SPATA13: variants seen among roughly 807,000 people sequenced by gnomAD.
SPATA13 encodes the protein spermatogenesis associated 13, also known as spermatogenesis-associated protein 13.
SPATA13 carries 50 observed loss-of-function variants against 104.0 expected under a neutral mutation model. The observed-to-expected ratio is 0.48, with a 90% CI of 0.38 to 0.61. SPATA13 has a LOEUF of 0.61. Among genes scored for constraint, SPATA13 ranks in the 20% least tolerant of loss-of-function variants. SPATA13 has a pLI of 0.00. For missense variants in SPATA13, 1,524 were observed against 1,690.6 expected, an observed-to-expected ratio of 0.90 and a Z score of 1.73; for synonymous variants, 606 against 667.5, an observed-to-expected ratio of 0.91 and a Z score of 1.42.
At chr13:24,269,087 A>G (rs571151218) in intron 4 of SPATA13, among the ~76,000 whole-genome samples, 1 of 152,340 alleles carries the variant, frequency 6.6e-6, no homozygotes, top group Non-Finnish European at 1.5e-5. Context: ...GAGCGACAGC[A>G]GCAGCGTGAC....
At chr13:24,217,323 C>A (rs1391553381) in intron 1 of SPATA13, among the ~76,000 whole-genome samples, 1 of 152,142 alleles carries the variant, frequency 6.6e-6, no homozygotes, top group Non-Finnish European at 1.5e-5. Context: ...TATTACAATT[C>A]TTCTTCCTAA....
intron 2 of SPATA13, among the ~76,000 whole-genome samples, chr13:24,246,581 C>T (rs770025799): frequency 2.0e-5 from 3 of 152,220 alleles, no homozygotes; most frequent in African/African-American, 4.8e-5. Flanking sequence ...TGACTCAGGC[C>T]GGGTGTGGTG....
intron 2 of SPATA13, among the ~76,000 whole-genome samples, chr13:24,016,453 A>G (rs1412304958): frequency 6.6e-6 from 1 of 152,214 alleles, no homozygotes; most frequent in Non-Finnish European, 1.5e-5. Context: ...TGCTGGAAGA[A>G]TTGGGAGCGT....
At chr13:24,263,105 G>GT (rs1381690352) in intron 4 of SPATA13, among the ~76,000 whole-genome samples, 2 of 152,210 alleles carry the variant, frequency 1.3e-5, no homozygotes, top group African/African-American at 2.4e-5. Context: ...GCCGTAGCAG[G>GT]TGTTGAGGTG....
chr13:24,071,352 T>A (rs1434239951), intron 3 of SPATA13, among the ~76,000 whole-genome samples: 1 of 152,170 alleles, frequency 6.6e-6, no homozygotes, highest in African/African-American at 2.4e-5. Context: ...CAGGAAACTG[T>A]GTTTAAGTGG....
At chr13:24,001,153 T>C (rs1171164775) in intron 2 of SPATA13, among the ~76,000 whole-genome samples, 1 of 152,146 alleles carries the variant, frequency 6.6e-6, no homozygotes, top group Non-Finnish European at 1.5e-5. Context: ...CTCCAGGTAA[T>C]GTCATCCAGG....
intron 1 of SPATA13, among the ~76,000 whole-genome samples, chr13:24,217,521 T>C (rs1322863050): frequency 6.6e-6 from 1 of 152,154 alleles, no homozygotes; most frequent in African/African-American, 2.4e-5. Context: ...CTTCTGCCTA[T>C]AGAGAACTTT....
chr13:23,992,219 C>T (rs1301546411), intron 2 of SPATA13, among the ~76,000 whole-genome samples: 1 of 152,176 alleles, frequency 6.6e-6, no homozygotes, highest in Non-Finnish European at 1.5e-5. Flanking sequence ...CTGCTGCCTC[C>T]ATCAGTGTCC....
intron 2 of SPATA13, among the ~76,000 whole-genome samples, chr13:24,000,335 G>C (rs931336876): frequency 6.6e-6 from 1 of 152,118 alleles, no homozygotes; most frequent in Non-Finnish European, 1.5e-5. Context: ...GGTTTCAAAG[G>C]GAGCAGCAGG....
chr13:24,192,131 C>T (rs9507266), intron 1 of SPATA13, among the ~76,000 whole-genome samples: 1 of 151,842 alleles, frequency 6.6e-6, no homozygotes, highest in Admixed American at 6.6e-5. Flanking sequence ...TCCATTGTGG[C>T]CATGCTCAGA....
chr13:24,239,293 T>C (rs1011837912), intron 2 of SPATA13, among the ~76,000 whole-genome samples: 8 of 152,188 alleles, frequency 5.3e-5, no homozygotes, highest in Non-Finnish European at 1.5e-5. Context: ...TGGTCACTGA[T>C]TTTGAAATAC....
chr13:24,266,052 A>G (rs911705162), intron 4 of SPATA13, among the ~76,000 whole-genome samples: 1 of 152,162 alleles, frequency 6.6e-6, no homozygotes, highest in Non-Finnish European at 1.5e-5. Flanking sequence ...AAGAACCTTA[A>G]TGAACCTACT....
chr13:24,075,485 CA>C (rs1371034279), intron 3 of SPATA13, among the ~76,000 whole-genome samples: 8 of 152,058 alleles, frequency 5.3e-5, no homozygotes, highest in African/African-American at 1.7e-4. Flanking sequence ...TAAATAAACT[CA>C]AGACTTAATT....
chr13:24,049,845 C>A (rs1878277399), intron 3 of SPATA13, among the ~76,000 whole-genome samples: 4 of 152,102 alleles, frequency 2.6e-5, no homozygotes, highest in Admixed American at 2.6e-4. Context: ...AAATCGGATT[C>A]TTTCCATTTG....
chr13:24,237,979 A>T (rs1159272523), intron 2 of SPATA13, among the ~76,000 whole-genome samples: 1 of 147,110 alleles, frequency 6.8e-6, no homozygotes, highest in East Asian at 1.9e-4. Flanking sequence ...TATGCAATAT[A>T]TAAACATGTA....
In SPATA13 at chr13:24,195,945, T is replaced by C. The variant is rs1026921133; in HGVS notation, c.-111-26874T>C. 5.9e-5 allele frequency among the ~76,000 whole-genome samples: 9 copies of C among 152,346 alleles called. No individual in the cohort carries two copies. The South Asian group carries it at 8.3e-4, about 14-fold the overall frequency. On this transcript the variant is annotated intron_variant, in intron 1 of 12. Transcript: ENST00000382108. ...TATTCTTAGGTACTATAATAATTTA[T>C]GTTTTTATTTATGAAAAAATTAAAA...
At chr13:24,036,030 AAAAG>A (rs1188188229) in intron 3 of SPATA13, among the ~76,000 whole-genome samples, 5 of 151,412 alleles carry the variant, frequency 3.3e-5, no homozygotes, top group Non-Finnish European at 5.9e-5. Flanking sequence ...AAAAAAAAAA[AAAAG>A]AAAGAAAGAA....
intron 1 of SPATA13, among the ~76,000 whole-genome samples, chr13:24,219,615 G>GA (rs1871457865): frequency 6.6e-6 from 1 of 152,218 alleles, no homozygotes; most frequent in African/African-American, 2.4e-5. Context: ...TTTGAAGGCA[G>GA]CCATATAAAG....
chr13:23,987,192 T>A (rs2765150), intron 2 of SPATA13, among the ~76,000 whole-genome samples: 75,265 of 151,898 alleles, frequency 0.5, 19,092 homozygotes, highest in African/African-American at 0.6. Context: ...TGGATAATCT[T>A]GGGGTCTTAT....
Sources: allele counts gnomAD v4.1 joint callset (sites outside exome capture counted in the v4.1 genomes callset), GRCh38; gene constraint gnomAD v4.1.1; transcripts MANE v1.5; gene names NCBI Gene and HGNC (gene_info 2026-07-23, HGNC 2026-07-21).